The following KCNT2 variants were observed in gnomAD, a reference collection of about 807,000 sequenced individuals.
KCNT2 encodes potassium channel subfamily T member 2.
KCNT2 carries 67 observed loss-of-function variants against 153.8 expected under a neutral mutation model. The ratio of observed to expected loss-of-function variants is 0.44; its 90% CI spans 0.36 to 0.53. The LOEUF (loss-of-function observed/expected upper bound fraction) is 0.53, where lower values mean the gene tolerates loss of function less well. KCNT2 is among the 20% of genes least tolerant of loss of function. The pLI is 0.00. For synonymous variants in KCNT2, 500 were observed against 458.8 expected, an observed-to-expected ratio of 1.09 and a Z score of -1.15; for missense variants, 975 against 1,354.8, an observed-to-expected ratio of 0.72 and a Z score of 4.40.
At chr1:196,545,367 C>A (rs1318463133) in intron 1 of KCNT2, among the ~76,000 whole-genome samples, 1 of 151,914 alleles carries the variant, frequency 6.6e-6, no homozygotes, top group Non-Finnish European at 1.5e-5. Flanking sequence ...AGTAGATCAC[C>A]AGTGTAGAGA....
chr1:196,389,438 G>T (rs1330190118), intron 13 of KCNT2, among the ~76,000 whole-genome samples: 2 of 151,450 alleles, frequency 1.3e-5, no homozygotes, highest in Non-Finnish European at 3.0e-5. Context: ...ATCACAGTTG[G>T]AATTTCCCAT....
At chr1:196,537,450 C>A (rs142280965) in intron 1 of KCNT2, among the ~76,000 whole-genome samples, 2 of 152,176 alleles carry the variant, frequency 1.3e-5, no homozygotes, top group Non-Finnish European at 2.9e-5. Context: ...AAAATACCCA[C>A]CCCCAGAATG....
At chr1:196,518,464 T>C (rs1368179135) in intron 1 of KCNT2, among the ~76,000 whole-genome samples, 3 of 119,124 alleles carry the variant, frequency 2.5e-5, no homozygotes, top group Non-Finnish European at 5.0e-5. Flanking sequence ...AAGTACAAAG[T>C]GGCAAGCTGG....
At chr1:196,461,565 G>C (rs953834666) in intron 8 of KCNT2, among the ~76,000 whole-genome samples, 1 of 151,786 alleles carries the variant, frequency 6.6e-6, no homozygotes, top group African/African-American at 2.4e-5. Context: ...CATTATAAAT[G>C]ATAGTGCTTA....
intron 1 of KCNT2, 129 bp from the exon 2 acceptor site, chr1:196,492,470 AT>A (rs1572630763): frequency 1.4e-6 from 1 of 726,860 alleles, no homozygotes; most frequent in East Asian, 4.9e-5. Flanking sequence ...GAAATAAATT[AT>A]TTGATTTAAT....
chr1:196,367,894 C>A (rs978500310), intron 14 of KCNT2, among the ~76,000 whole-genome samples: 3 of 152,140 alleles, frequency 2.0e-5, no homozygotes, highest in Non-Finnish European at 4.4e-5. Context: ...CAATAATCTG[C>A]CCCTTTGACA....
intron 1 of KCNT2, among the ~76,000 whole-genome samples, chr1:196,523,696 C>T (rs1341109594): frequency 6.6e-6 from 1 of 152,138 alleles, no homozygotes. Flanking sequence ...CATGCATCTA[C>T]CTTTAAATTA....
intron 1 of KCNT2, among the ~76,000 whole-genome samples, chr1:196,579,522 C>T (rs2148971137): frequency 6.6e-6 from 1 of 152,014 alleles, no homozygotes; most frequent in East Asian, 1.9e-4. Flanking sequence ...GAGATGCAGT[C>T]TCACTTTGTC....
At chr1:196,562,759 G>C (rs1402619705) in intron 1 of KCNT2, among the ~76,000 whole-genome samples, 1 of 149,012 alleles carries the variant, frequency 6.7e-6, no homozygotes, top group Non-Finnish European at 1.5e-5. Context: ...TTCTATTTTA[G>C]CTCAATGTCT....
chr1:196,481,946 C>A (rs2148705730), intron 4 of KCNT2, among the ~76,000 whole-genome samples: 1 of 151,984 alleles, frequency 6.6e-6, no homozygotes, highest in Non-Finnish European at 1.5e-5. Flanking sequence ...GATATTCTAC[C>A]ATATTCCAGA....
intron 17 of KCNT2, among the ~76,000 whole-genome samples, chr1:196,332,866 C>A (rs1004930272): frequency 2.0e-5 from 3 of 151,094 alleles, no homozygotes; most frequent in Non-Finnish European, 4.4e-5. Context: ...CTTACTGCAA[C>A]CTCCACCTCC....
At chr1:196,339,549 A>C (rs1665404662) in intron 16 of KCNT2, among the ~76,000 whole-genome samples, 1 of 151,530 alleles carries the variant, frequency 6.6e-6, no homozygotes, top group African/African-American at 2.4e-5. Context: ...AGAGAGAGAG[A>C]GAGACAGAGA....
At chr1:196,260,130 T>C (rs1174095192) in intron 25 of KCNT2, among the ~76,000 whole-genome samples, 7 of 151,880 alleles carry the variant, frequency 4.6e-5, no homozygotes, top group Non-Finnish European at 7.4e-5. Flanking sequence ...TTAAATTTAT[T>C]TGAAGTGATC....
chr1:196,319,694 T>C (rs1468082223), intron 19 of KCNT2, 139 bp from the exon 20 acceptor site: 2 of 494,580 alleles, frequency 4.0e-6, no homozygotes, highest in Non-Finnish European at 3.7e-6. Flanking sequence ...TGCTTTTTTT[T>C]CTTAACATTA....
chr1:196,479,722 T>C (rs1349508077), intron 4 of KCNT2, among the ~76,000 whole-genome samples: 3 of 152,186 alleles, frequency 2.0e-5, no homozygotes, highest in Non-Finnish European at 4.4e-5. Context: ...TGTGTGTGTG[T>C]TTCTAATACA....
At chr1:196,553,458 A>C (rs1165298809) in intron 1 of KCNT2, among the ~76,000 whole-genome samples, 1 of 151,176 alleles carries the variant, frequency 6.6e-6, no homozygotes, top group Non-Finnish European at 1.5e-5. Context: ...CCATAGAACA[A>C]ATGAACATAA....
chr1:196,445,285 T>C (rs917086393), intron 8 of KCNT2, among the ~76,000 whole-genome samples: 1 of 151,428 alleles, frequency 6.6e-6, no homozygotes, highest in Non-Finnish European at 1.5e-5. Flanking sequence ...CAAATAAATA[T>C]CAGCTAATTT....
intron 25 of KCNT2, among the ~76,000 whole-genome samples, chr1:196,261,152 G>A (rs1396140718): frequency 6.6e-6 from 1 of 151,674 alleles, no homozygotes; most frequent in Non-Finnish European, 1.5e-5. Context: ...ATAATCTAGT[G>A]GAAATAGTAT....
intron 1 of KCNT2, among the ~76,000 whole-genome samples, chr1:196,503,518 T>G (rs1680868230): frequency 6.6e-6 from 1 of 152,130 alleles, no homozygotes; most frequent in Non-Finnish European, 1.5e-5. Context: ...CCATGTAATC[T>G]CTAACTCAAA....
Sources: gnomAD v4.1 joint callset for allele counts (sites outside exome capture counted in the v4.1 genomes callset) on GRCh38, gnomAD v4.1.1 for gene constraint, MANE v1.5 for transcripts, NCBI Gene and HGNC (gene_info 2026-07-23, HGNC 2026-07-21) for gene names.